Variants in PDIK1L observed in about 807,000 individuals in gnomAD.
PDIK1L encodes the protein serine/threonine-protein kinase PDIK1L.
Under a neutral mutation model 27.1 loss-of-function variants are expected in PDIK1L, and 9 were observed. The ratio of observed to expected loss-of-function variants is 0.33; its 90% CI spans 0.20 to 0.58. The LOEUF is 0.58. Ranked by LOEUF, PDIK1L falls within the 20% of genes least tolerant of loss-of-function variation. The pLI is 0.86. For synonymous variants in PDIK1L, 130 were observed against 141.7 expected (o/e 0.92, Z 0.59); for missense variants, 216 against 413.2 (o/e 0.52, Z 4.14).
rs1340372003 is a variant in PDIK1L at position 26,124,178 on chromosome 1, G to A, written c.*1601G>A. 1 of 152,454 alleles carries A rather than the reference G, an allele frequency of 6.6e-6. No individual in the cohort carries two copies. The highest frequency in any genetic ancestry group is 2.4e-5 in the African/African-American group (1 of 41,400). 9.4% of individuals were successfully genotyped at this position (152,454 alleles called of 1,614,324 possible). A position where few individuals can be genotyped will look rare whatever the true frequency, so the allele number is the denominator to read the frequency against. ...CAAATGTGTTCAGAGGAAATAGAAT[G>A]TAAAACATCACAAAAAAAATTGCAG... On this transcript the variant is annotated 3_prime_UTR_variant, in exon 3 of 3. Transcript: ENST00000374269.
chr1:26,120,961 A>AG (rs2087974398), intron 2 of PDIK1L, among the ~76,000 whole-genome samples: 1 of 152,016 alleles, frequency 6.6e-6, no homozygotes, highest in African/African-American at 2.4e-5. Flanking sequence ...AAAAAAAAAA[A>AG]AAAAAAAAGA....
chr1:26,114,488 C>T lies in PDIK1L; in HGVS notation c.180C>T (p.Ile60=). 1 of 1,614,138 alleles carries T rather than the reference C, an allele frequency of 6.2e-7. No homozygotes were observed. The highest frequency in any genetic ancestry group is 8.5e-7 in the Non-Finnish European group (1 of 1,180,008). ...ALREFWALSS[I]KSQHPNVIHL... is the part of the protein sequence containing the mutation. ...GTGAGTTCTGGGCACTAAGCAGTAT[C>T]AAGAGCCAACATCCAAATGTGATTC... The change falls in exon 2 of 3, where the codon ATC becomes ATT. Residue 60 remains isoleucine (I), a synonymous_variant. Coordinates refer to ENST00000374269, the MANE Select transcript of PDIK1L (RefSeq NM_152835.5). The surrounding 1 kb of genome is among the most constrained non-coding windows in gnomAD (Gnocchi z 4.8).
At chr1:26,115,848 ACTTT>A (rs1249756189) in intron 2 of PDIK1L, among the ~76,000 whole-genome samples, 1 of 151,912 alleles carries the variant, frequency 6.6e-6, no homozygotes, top group Non-Finnish European at 1.5e-5. Context: ...AAAGAAAACA[ACTTT>A]CTTTGAGTGT....
intron 2 of PDIK1L, among the ~76,000 whole-genome samples, chr1:26,120,265 T>G (rs1429872320): frequency 6.6e-6 from 1 of 152,242 alleles, no homozygotes; most frequent in Non-Finnish European, 1.5e-5. Flanking sequence ...AAACATTCTT[T>G]GAACGCTGGG....
intron 2 of PDIK1L, among the ~76,000 whole-genome samples, chr1:26,116,510 C>A (rs1253707353): frequency 6.6e-6 from 1 of 151,318 alleles, no homozygotes; most frequent in African/African-American, 2.5e-5. Context: ...GAGATTCTGT[C>A]CCCCAAAACA....
Position 26,123,582 on chromosome 1 carries a change from C to T in PDIK1L, c.*1005C>T, listed in dbSNP as rs1180821612. ...TGAAGTTGAAGAAACCAAATGAGCT[C>T]CACCCTCACTTTGCCTGCCCTGATA... is the stretch of plus-strand genomic sequence containing the variant. On this transcript the variant is annotated 3_prime_UTR_variant, in exon 3 of 3. Transcript: ENST00000374269. 2 of 152,610 alleles carry T rather than the reference C, an allele frequency of 1.3e-5. No homozygotes were observed. The highest frequency in any genetic ancestry group is 2.4e-5 in the African/African-American group (1 of 41,428). 9.5% of individuals were successfully genotyped at this position (152,610 alleles called of 1,614,324 possible).
In PDIK1L at chr1:26,123,722, T is replaced by C. The variant is rs1484676915; in HGVS notation, c.*1145T>C. On this transcript the variant is annotated 3_prime_UTR_variant, in exon 3 of 3. Coordinates refer to ENST00000374269, the MANE Select transcript of PDIK1L (RefSeq NM_152835.5). The stretch of plus-strand genomic sequence containing the variant: ...TGGTTGTTGAAAATGTGATCACCTT[T>C]ATCTAAAGTGGGAGAAGATACATAC... 1 of 152,636 alleles carries C rather than the reference T, an allele frequency of 6.6e-6. No individual in the cohort carries two copies. The allele number at this position is 152,636 out of a possible 1,614,324, so 9.5% of individuals were successfully genotyped here. A position where few individuals can be genotyped will look rare whatever the true frequency, so the allele number is the denominator to read the frequency against.
At chr1:26,113,215 C>T (rs1569799395) in intron 1 of PDIK1L, among the ~76,000 whole-genome samples, 1 of 152,150 alleles carries the variant, frequency 6.6e-6, no homozygotes, top group African/African-American at 2.4e-5. Flanking sequence ...TCTGGCCGGG[C>T]GCGGTGGCTC....
chr1:26,112,765 T>C (rs754104786), intron 1 of PDIK1L: 3 of 152,246 alleles, frequency 2.0e-5, no homozygotes, highest in Non-Finnish European at 2.9e-5. Context: ...GGCTCTAGGG[T>C]CAGTAGCCTT....
intron 2 of PDIK1L, among the ~76,000 whole-genome samples, chr1:26,120,499 G>A (rs779730601): frequency 3.9e-5 from 6 of 152,222 alleles, no homozygotes; most frequent in Non-Finnish European, 8.8e-5. Context: ...GAGAGATGGC[G>A]TGAAGAGATG....
rs2783681 is a variant in PDIK1L at position 26,114,716 on chromosome 1, A to C, written c.285+123A>C. ...CAGGTGTTTGTAGTTAGAAGTAGAT[A>C]AGTGTCTGCCAAGAATTGAGTAGAT... On this transcript the variant is annotated intron_variant, in intron 2 of 2. Coordinates refer to ENST00000374269, the MANE Select transcript of PDIK1L (RefSeq NM_152835.5). The surrounding 1 kb of genome is among the most constrained non-coding windows in gnomAD (Gnocchi z 4.8). 2,885 of 1,086,910 alleles carry C rather than the reference A, an allele frequency of 2.7e-3. 63 individuals are homozygous for C. In the African/African-American group the frequency reaches 0.039, roughly 15 times the overall value. 67.3% of individuals were successfully genotyped at this position (1,086,910 alleles called of 1,614,324 possible). A position where few individuals can be genotyped will look rare whatever the true frequency, so the allele number is the denominator to read the frequency against.
intron 1 of PDIK1L, among the ~76,000 whole-genome samples, chr1:26,113,498 TAAAAAAAAAAAA>T (rs67443362): frequency 1.1e-5 from 1 of 91,056 alleles, no homozygotes; most frequent in Non-Finnish European, 2.1e-5. Context: ...AGACTCCGTC[TAAAAAAAAAAAA>T]AAAAAAAAAG....
intron 2 of PDIK1L, among the ~76,000 whole-genome samples, chr1:26,115,146 C>T (rs1366169193): frequency 4.6e-5 from 7 of 152,150 alleles, no homozygotes; most frequent in East Asian, 1.9e-4. Context: ...GCATGCAGTT[C>T]GATGCTCTGT....
chr1:26,111,693 G>C (rs561219166), upstream of PDIK1L: 243 of 151,628 alleles, frequency 1.6e-3, 1 homozygote, highest in African/African-American at 5.7e-3. The surrounding 1 kb of genome is among the most constrained non-coding windows in gnomAD (Gnocchi z 4.0). Flanking sequence ...GGAGGCGAGC[G>C]GAGCGCCGGC....
chr1:26,120,621 G>A (rs534121967), intron 2 of PDIK1L, among the ~76,000 whole-genome samples: 1 of 152,272 alleles, frequency 6.6e-6, no homozygotes, highest in Admixed American at 6.5e-5. Flanking sequence ...TTCAACTCAT[G>A]GGTCTGAAAA....
At position 26,120,945 on chromosome 1, in the gene PDIK1L, C is replaced by T. The variant is rs112742707; in HGVS notation, c.286-892C>T. Among the ~76,000 whole-genome samples the T allele has an allele frequency of 1.1e-3, 117 of 103,606 alleles. 1 individual carries two copies. The highest frequency in any genetic ancestry group is 3.7e-3 in the African/African-American group (111 of 30,274). The allele number at this position is 103,606 out of a possible 152,430, so 68.0% of individuals were successfully genotyped here. ...CCAGCCTGGTGACAGAGCAAGACTCCGTCTCAAAAAAAAAAAAAAAAAAAG... is the reference window on the plus strand; with the variant it reads ...CCAGCCTGGTGACAGAGCAAGACTCTGTCTCAAAAAAAAAAAAAAAAAAAG... On this transcript the variant is annotated intron_variant, in intron 2 of 2. Coordinates refer to ENST00000374269, the MANE Select transcript of PDIK1L (RefSeq NM_152835.5).
intron 2 of PDIK1L, among the ~76,000 whole-genome samples, chr1:26,118,298 A>T (rs1002038973): frequency 3.9e-4 from 60 of 152,266 alleles, no homozygotes; most frequent in African/African-American, 1.3e-3. Context: ...TCTAGCCTTT[A>T]TCACAGAGTG....
intron 2 of PDIK1L, among the ~76,000 whole-genome samples, chr1:26,116,822 TCTC>T (rs932585013): frequency 2.0e-5 from 3 of 151,616 alleles, no homozygotes; most frequent in African/African-American, 7.3e-5. Flanking sequence ...TTCAAGCAGT[TCTC>T]CTGCCTCAGC....
At chr1:26,116,436 A>T (rs1171934856) in intron 2 of PDIK1L, among the ~76,000 whole-genome samples, 1 of 151,872 alleles carries the variant, frequency 6.6e-6, no homozygotes, top group Non-Finnish European at 1.5e-5. Context: ...GATCACTTGA[A>T]CCCAGGAGGC....
Sources: gnomAD v4.1 joint callset for allele counts (sites outside exome capture counted in the v4.1 genomes callset) on GRCh38, gnomAD v4.1.1 for gene constraint, Gnocchi (gnomAD v3.1) non-coding constraint, MANE v1.5 for transcripts, NCBI Gene and HGNC (gene_info 2026-07-23, HGNC 2026-07-21) for gene names.